The following ATRNL1 variants were observed in gnomAD, a reference collection of about 807,000 sequenced individuals.
ATRNL1 encodes attractin like 1, also known as attractin-like protein 1.
ATRNL1 carries 95 observed loss-of-function variants against 182.7 expected under a neutral mutation model. The ratio of observed to expected loss-of-function variants is 0.52; its 90% CI spans 0.44 to 0.62. The LOEUF (loss-of-function observed/expected upper bound fraction) is 0.62. ATRNL1 is among the 20% of genes least tolerant of loss of function. The pLI is 0.00. For missense variants in ATRNL1, 1,471 were observed against 1,679.5 expected, an observed-to-expected ratio of 0.88 and a Z score of 2.17; for synonymous variants, 576 against 568.3, an observed-to-expected ratio of 1.01 and a Z score of -0.19.
chr10:115,385,584 T>C lies in ATRNL1; in HGVS notation c.3176-9075T>C, dbSNP rs76870088. Among the ~76,000 whole-genome samples, 643 of 152,276 alleles carry C rather than the reference T, an allele frequency of 4.2e-3. 4 individuals are homozygous for C. Among genetic ancestry groups the C allele is most frequent in the African/African-American group, 0.015 (609 of 41,588 alleles). Reference sequence around the variant, plus strand: ...TTAAAGTAGATAAATTATATGTTTTTTTCTTTGATATTTTATACTTTTTGT... The same window carrying C: ...TTAAAGTAGATAAATTATATGTTTTCTTCTTTGATATTTTATACTTTTTGT... On this transcript the variant is annotated intron_variant, in intron 19 of 28. Coordinates refer to ENST00000355044, the MANE Select transcript of ATRNL1 (RefSeq NM_207303.4).
intron 28 of ATRNL1, among the ~76,000 whole-genome samples, chr10:115,935,490 A>G (rs1555122632): frequency 6.6e-6 from 1 of 152,136 alleles, no homozygotes; most frequent in East Asian, 1.9e-4. Context: ...TCACAATCAT[A>G]TGGGAGACAT....
At chr10:115,569,881 G>A (rs917692960) in intron 26 of ATRNL1, among the ~76,000 whole-genome samples, 1 of 151,960 alleles carries the variant, frequency 6.6e-6, no homozygotes, top group African/African-American at 2.4e-5. Flanking sequence ...ATACAGCTCT[G>A]GAGGCTGGGA....
chr10:115,918,927 T>G (rs984253716), intron 28 of ATRNL1, among the ~76,000 whole-genome samples: 1 of 152,196 alleles, frequency 6.6e-6, no homozygotes, highest in Non-Finnish European at 1.5e-5. Context: ...TATAAGGATG[T>G]AAAATATTTC....
chr10:115,126,148 C>T (rs911464222), intron 3 of ATRNL1, among the ~76,000 whole-genome samples: 4 of 151,596 alleles, frequency 2.6e-5, no homozygotes, highest in African/African-American at 9.7e-5. Flanking sequence ...ACCTCCACCT[C>T]CCAGGTTCAA....
At chr10:115,213,527 A>G (rs548253769) in intron 8 of ATRNL1, among the ~76,000 whole-genome samples, 1 of 152,206 alleles carries the variant, frequency 6.6e-6, no homozygotes, top group Non-Finnish European at 1.5e-5. Flanking sequence ...AGTGAGTGTC[A>G]TGAGACACAC....
intron 19 of ATRNL1, among the ~76,000 whole-genome samples, chr10:115,357,659 T>C (rs1302699113): frequency 2.0e-5 from 3 of 151,700 alleles, no homozygotes; most frequent in Non-Finnish European, 4.4e-5. Context: ...TATCTATATC[T>C]TTTATCTTAC....
At chr10:115,766,087 A>C (rs1948853457) in intron 27 of ATRNL1, among the ~76,000 whole-genome samples, 1 of 152,184 alleles carries the variant, frequency 6.6e-6, no homozygotes, top group Non-Finnish European at 1.5e-5. Context: ...TTAGATCCAA[A>C]AAGCAGAGAT....
intron 8 of ATRNL1, among the ~76,000 whole-genome samples, chr10:115,175,247 C>T (rs1319321737): frequency 6.6e-6 from 1 of 151,956 alleles, no homozygotes; most frequent in Non-Finnish European, 1.5e-5. Context: ...TTGTCCCACT[C>T]AGCCATCAGA....
intron 26 of ATRNL1, among the ~76,000 whole-genome samples, chr10:115,707,459 A>G (rs1946936121): frequency 6.6e-6 from 1 of 151,586 alleles, no homozygotes; most frequent in African/African-American, 2.4e-5. Context: ...CTTCTTTTGA[A>G]CCTCATTCAC....
chr10:115,116,614 A>G (rs1465076749), intron 1 of ATRNL1, among the ~76,000 whole-genome samples: 1 of 152,058 alleles, frequency 6.6e-6, no homozygotes, highest in Non-Finnish European at 1.5e-5. Flanking sequence ...TTAAGAAGAG[A>G]TCATGAAACT....
intron 19 of ATRNL1, among the ~76,000 whole-genome samples, chr10:115,341,305 T>A (rs1367971862): frequency 2.6e-5 from 4 of 152,184 alleles, no homozygotes; most frequent in African/African-American, 7.2e-5. Flanking sequence ...ATTGTTTAAT[T>A]TCCATGTATT....
chr10:115,613,867 C>T (rs1555019860), intron 26 of ATRNL1, among the ~76,000 whole-genome samples: 2 of 151,658 alleles, frequency 1.3e-5, no homozygotes, highest in African/African-American at 4.8e-5. Flanking sequence ...GTTATAATAT[C>T]TCCTATTTCA....
chr10:115,273,093 C>A (rs1239938429), intron 13 of ATRNL1, among the ~76,000 whole-genome samples: 2 of 152,150 alleles, frequency 1.3e-5, no homozygotes, highest in Non-Finnish European at 2.9e-5. Context: ...AGGGGGATGG[C>A]ACCATATCAG....
chr10:115,468,913 T>G (rs907870309), intron 23 of ATRNL1, among the ~76,000 whole-genome samples: 4 of 150,638 alleles, frequency 2.7e-5, no homozygotes, highest in Admixed American at 6.6e-5. Context: ...ATATTATTGG[T>G]TTTAAAAAAG....
At chr10:115,704,382 GT>G (rs567719333) in intron 26 of ATRNL1, among the ~76,000 whole-genome samples, 18 of 151,898 alleles carry the variant, frequency 1.2e-4, no homozygotes, top group African/African-American at 3.4e-4. Context: ...CCATTTTATT[GT>G]GACATATTAA....
chr10:115,093,745 G>A lies in ATRNL1; in HGVS notation c.-6G>A, dbSNP rs2084936060. 2 of 1,414,592 alleles carry A rather than the reference G, an allele frequency of 1.4e-6. No homozygotes were observed. The highest frequency in any genetic ancestry group is 3.1e-5 in the Admixed American group (1 of 32,346). 87.6% of individuals were successfully genotyped at this position (1,414,592 alleles called of 1,614,324 possible). On this transcript the variant is annotated 5_prime_UTR_variant, in exon 1 of 29. Coordinates refer to ENST00000355044, the MANE Select transcript of ATRNL1 (RefSeq NM_207303.4). The surrounding 1 kb of genome is among the most constrained non-coding windows in gnomAD (Gnocchi z 6.1). ...GCAGTCTCGCCGGGCAGGGGCGCCG[G>A]GGAAGATGGAGACTGGGGGCCGGGC... is the stretch of plus-strand genomic sequence containing the variant.
At chr10:115,757,045 T>C (rs540687133) in intron 27 of ATRNL1, among the ~76,000 whole-genome samples, 1 of 152,280 alleles carries the variant, frequency 6.6e-6, no homozygotes, top group East Asian at 1.9e-4. Context: ...TTTGAGCCTA[T>C]GTGTGTCCCT....
intron 1 of ATRNL1, among the ~76,000 whole-genome samples, chr10:115,104,596 G>A (rs931730843): frequency 3.9e-5 from 6 of 152,048 alleles, no homozygotes; most frequent in Admixed American, 2.0e-4. Flanking sequence ...TACTTGTGGG[G>A]TATTACTCAA....
chr10:115,883,547 G>A (rs73365706), intron 28 of ATRNL1, among the ~76,000 whole-genome samples: 4,784 of 152,342 alleles, frequency 0.031, 230 homozygotes, highest in African/African-American at 0.1. Context: ...ATGGTATACC[G>A]TAATGGAATA....
Sources: allele counts gnomAD v4.1 joint callset (sites outside exome capture counted in the v4.1 genomes callset), GRCh38; gene constraint gnomAD v4.1.1; non-coding constraint Gnocchi (gnomAD v3.1); transcripts MANE v1.5; gene names NCBI Gene and HGNC (gene_info 2026-07-23, HGNC 2026-07-21).